P2RY14: variants seen among roughly 807,000 people sequenced by gnomAD.
The protein encoded by P2RY14 is purinergic receptor P2Y14.
In P2RY14, 2 loss-of-function variants were observed where a neutral mutation model predicts 0.9. That is an observed-to-expected ratio of 2.16 (90% CI 0.88 to 6.79). The LOEUF (loss-of-function observed/expected upper bound fraction) is 6.79. P2RY14 is among the 30% of genes most tolerant of loss of function. The probability of loss-of-function intolerance (pLI) is 0.05; values close to 1 mark genes in which losing one functional copy is unlikely to be tolerated. For missense variants in P2RY14, 378 were observed against 400.1 expected (o/e 0.94, Z 0.47); for synonymous variants, 158 against 147.2 (o/e 1.07, Z -0.53).
chr3:151,223,187 A>AAAAC (rs67806148), intron 1 of P2RY14, among the ~76,000 whole-genome samples: 3 of 151,104 alleles, frequency 2.0e-5, no homozygotes, highest in Non-Finnish European at 4.4e-5. Flanking sequence ...AAAAAAAAAA[A>AAAAC]AAACTAGATG....
At chr3:151,258,291 A>G (rs1738204999) in intron 1 of P2RY14, among the ~76,000 whole-genome samples, 1 of 152,224 alleles carries the variant, frequency 6.6e-6, no homozygotes, top group African/African-American at 2.4e-5. Context: ...TAATTTCACT[A>G]GTTCTTCCCA....
At chr3:151,232,739 G>C (rs1055445119) in intron 1 of P2RY14, among the ~76,000 whole-genome samples, 1 of 152,096 alleles carries the variant, frequency 6.6e-6, no homozygotes. Context: ...TAAATCATGA[G>C]AACTCATGGA....
chr3:151,228,983 CT>C (rs1731079051), intron 1 of P2RY14, among the ~76,000 whole-genome samples: 1 of 152,168 alleles, frequency 6.6e-6, no homozygotes, highest in Non-Finnish European at 1.5e-5. Flanking sequence ...GATCATGGGG[CT>C]GTTAGACCAT....
chr3:151,216,625 A>G (rs1728283732), intron 2 of P2RY14, among the ~76,000 whole-genome samples: 1 of 152,102 alleles, frequency 6.6e-6, no homozygotes, highest in Admixed American at 6.5e-5. Flanking sequence ...GAGTACCCCA[A>G]ATCACTTCCT....
chr3:151,237,045 C>CTTTTT (rs56926535), intron 1 of P2RY14, among the ~76,000 whole-genome samples: 5 of 125,884 alleles, frequency 4.0e-5, no homozygotes, highest in South Asian at 2.6e-4. Flanking sequence ...TGATGCCAAA[C>CTTTTT]TTTTTTTTTT....
Position 151,231,250 on chromosome 3 carries a change from A to G in P2RY14, c.-132-11608T>C, listed in dbSNP as rs541897400. Among the ~76,000 whole-genome samples, 16 of 152,344 alleles carry G rather than the reference A, an allele frequency of 1.1e-4. No homozygotes were observed. In the South Asian group the frequency reaches 2.1e-3, roughly 20 times the overall value. ...GAATTTAGGACATCACCATTTTGCA[A>G]CCTCAGTGTGATAACTGATTCAGGC... is the stretch of plus-strand genomic sequence containing the variant. On this transcript the variant is annotated intron_variant, in intron 1 of 2. Transcript: ENST00000309170.
rs769213679 is a variant in P2RY14, at chr3:151,219,598, C to G, written c.-88G>C. 2 of 152,060 alleles carry G rather than the reference C, an allele frequency of 1.3e-5. No individual in the cohort carries two copies. Among genetic ancestry groups the G allele is most frequent in the Non-Finnish European group, 2.9e-5 (2 of 68,018 alleles). 9.4% of individuals were successfully genotyped at this position (152,060 alleles called of 1,614,324 possible). On this transcript the variant is annotated 5_prime_UTR_variant, in exon 2 of 3. Transcript: ENST00000309170. ...CAGTGAAGGTGTTTTGCCCAGTGAG[C>G]GTTTGTCGTCTTGAAGTGGCCCAAG...
chr3:151,216,697 G>A (rs576106723), intron 2 of P2RY14, among the ~76,000 whole-genome samples: 1 of 152,216 alleles, frequency 6.6e-6, no homozygotes, highest in South Asian at 2.1e-4. Flanking sequence ...GCTTGGCTCT[G>A]GGCATGATGG....
chr3:151,254,247 A>G (rs1257598744), intron 1 of P2RY14, among the ~76,000 whole-genome samples: 1 of 152,210 alleles, frequency 6.6e-6, no homozygotes, highest in African/African-American at 2.4e-5. Flanking sequence ...ATGAGGATTT[A>G]GCTCACTGTG....
chr3:151,245,191 T>C (rs367817170), intron 1 of P2RY14, among the ~76,000 whole-genome samples: 1 of 152,098 alleles, frequency 6.6e-6, no homozygotes, highest in African/African-American at 2.4e-5. Flanking sequence ...ACCAGAGGTA[T>C]AAGGAGGAAC....
At chr3:151,272,119 AG>A (rs1476890227) in intron 1 of P2RY14, among the ~76,000 whole-genome samples, 1 of 152,200 alleles carries the variant, frequency 6.6e-6, no homozygotes, top group African/African-American at 2.4e-5. Flanking sequence ...TGCTTGAAAG[AG>A]GGCAGAAGTG....
intron 1 of P2RY14, among the ~76,000 whole-genome samples, chr3:151,229,305 CTTTTTTTTT>C (rs35097589): frequency 1.8e-5 from 2 of 112,520 alleles, no homozygotes; most frequent in South Asian, 5.8e-4. Context: ...TTCAGCAATT[CTTTTTTTTT>C]TTTTTTTTTT....
chr3:151,245,626 A>G (rs1735264567), intron 1 of P2RY14, among the ~76,000 whole-genome samples: 1 of 149,300 alleles, frequency 6.7e-6, no homozygotes, highest in African/African-American at 2.5e-5. Context: ...ATTTCAAAAT[A>G]ATAAGAGCTA....
rs146830772 is a variant in P2RY14, at chr3:151,216,334, G to A, written c.-24-1994C>T. Reference sequence around the variant, plus strand: ...GTCAGAGAATGCATCTTTTTCATCTGTATTTGTGGTGCCAGCACAGTGCAT... The same window carrying A: ...GTCAGAGAATGCATCTTTTTCATCTATATTTGTGGTGCCAGCACAGTGCAT... On this transcript the variant is annotated intron_variant, in intron 2 of 2. Transcript: ENST00000309170. 4.6e-5 allele frequency among the ~76,000 whole-genome samples: 7 copies of A among 152,280 alleles called. No individual in the cohort carries two copies. In the East Asian group the frequency reaches 1.4e-3, roughly 29 times the overall value.
intron 1 of P2RY14, among the ~76,000 whole-genome samples, chr3:151,246,269 A>G (rs1186128031): frequency 6.6e-6 from 1 of 152,172 alleles, no homozygotes; most frequent in Admixed American, 6.5e-5. Flanking sequence ...GGAAAAAACT[A>G]CTTTAAAGTT....
At chr3:151,264,772 TG>T (rs1183920402) in intron 1 of P2RY14, among the ~76,000 whole-genome samples, 1 of 152,092 alleles carries the variant, frequency 6.6e-6, no homozygotes, top group Non-Finnish European at 1.5e-5. Flanking sequence ...AGTGCGTGTG[TG>T]TGTATGTGTG....
chr3:151,239,184 A>G (rs564907947), intron 1 of P2RY14, among the ~76,000 whole-genome samples: 22 of 152,366 alleles, frequency 1.4e-4, no homozygotes, highest in African/African-American at 5.3e-4. Context: ...TTTTATCTAC[A>G]TGACCAATGT....
intron 1 of P2RY14, among the ~76,000 whole-genome samples, chr3:151,249,430 G>C (rs911327471): frequency 2.6e-5 from 4 of 152,176 alleles, no homozygotes; most frequent in African/African-American, 9.7e-5. Flanking sequence ...TTCAGTACCA[G>C]GGGAGGAGGC....
intron 1 of P2RY14, among the ~76,000 whole-genome samples, chr3:151,239,166 T>G (rs1187268923): frequency 1.3e-5 from 2 of 152,238 alleles, no homozygotes; most frequent in African/African-American, 4.8e-5. Context: ...AATTTCTGCA[T>G]GAATGTATTT....
Sources: allele counts gnomAD v4.1 joint callset (sites outside exome capture counted in the v4.1 genomes callset), GRCh38; gene constraint gnomAD v4.1.1; transcripts MANE v1.5; gene names NCBI Gene and HGNC (gene_info 2026-07-23, HGNC 2026-07-21).